The following PLCG2 variants were observed in gnomAD, a reference collection of about 807,000 sequenced individuals.
The protein encoded by PLCG2 is 1-phosphatidylinositol 4,5-bisphosphate phosphodiesterase gamma-2.
Under a neutral mutation model 175.6 loss-of-function variants are expected in PLCG2, and 69 were observed. That is an observed-to-expected ratio of 0.39 (90% CI 0.32 to 0.48). The LOEUF is 0.48. Among genes scored for constraint, PLCG2 ranks in the 20% least tolerant of loss-of-function variants. PLCG2 has a pLI of 0.91. For synonymous variants in PLCG2, 827 were observed against 624.0 expected (o/e 1.33, Z -4.85); for missense variants, 1,798 against 1,650.9 (o/e 1.09, Z -1.54).
chr16:81,842,517 G>C (rs1020525658), intron 2 of PLCG2, among the ~76,000 whole-genome samples: 3 of 152,178 alleles, frequency 2.0e-5, no homozygotes, highest in Admixed American at 2.0e-4. Flanking sequence ...GTTGGGGTAT[G>C]TGTGGGAAGG....
intron 2 of PLCG2, among the ~76,000 whole-genome samples, chr16:81,806,210 T>C (rs1385804651): frequency 6.6e-6 from 1 of 152,064 alleles, no homozygotes; most frequent in African/African-American, 2.4e-5. Flanking sequence ...GGCTACCATA[T>C]TGGATAGCAC....
intron 13 of PLCG2, among the ~76,000 whole-genome samples, chr16:81,896,496 T>G (rs1242204939): frequency 6.6e-6 from 1 of 151,730 alleles, no homozygotes; most frequent in African/African-American, 2.4e-5. Context: ...GAGGATTGCT[T>G]GAACCTGGCA....
chr16:81,847,917 G>A (rs554902941), intron 2 of PLCG2, among the ~76,000 whole-genome samples: 2 of 152,198 alleles, frequency 1.3e-5, no homozygotes, highest in African/African-American at 4.8e-5. Context: ...ATCCCCAACA[G>A]TCACTGAGGG....
chr16:81,912,823 C>T (rs534606329), intron 19 of PLCG2, 107 bp downstream of exon 19: 99 of 1,320,600 alleles, frequency 7.5e-5, no homozygotes, highest in Admixed American at 1.2e-4. Context: ...AGTGCCCTGC[C>T]CCCCCAGCAT....
intron 7 of PLCG2, among the ~76,000 whole-genome samples, chr16:81,876,174 T>G (rs1907779879): frequency 6.6e-6 from 1 of 151,928 alleles, no homozygotes; most frequent in Non-Finnish European, 1.5e-5. Context: ...CACAGGCGTG[T>G]GCCACCATGC....
At chr16:81,758,443 A>G (rs1338822036) in intron 2 of PLCG2, among the ~76,000 whole-genome samples, 1 of 152,210 alleles carries the variant, frequency 6.6e-6, no homozygotes, top group African/African-American at 2.4e-5. Flanking sequence ...GCTATTATAA[A>G]TAATGCTGCT....
intron 29 of PLCG2, among the ~76,000 whole-genome samples, chr16:81,939,454 C>T (rs933515530): frequency 6.6e-6 from 1 of 152,236 alleles, no homozygotes; most frequent in Non-Finnish European, 1.5e-5. Flanking sequence ...ACCAAATAAA[C>T]TGGCATTTAT....
chr16:81,779,884 G>C (rs544862304), intron 1 of PLCG2, among the ~76,000 whole-genome samples: 1 of 152,360 alleles, frequency 6.6e-6, no homozygotes, highest in Admixed American at 6.5e-5. Context: ...GATACCGCGG[G>C]AGGCGCAGTC....
chr16:81,858,219 C>A lies in PLCG2; in HGVS notation c.338-44C>A, dbSNP rs190085894. On this transcript the variant is annotated intron_variant, in intron 3 of 32. Transcript: ENST00000564138. ...GCAGGGCTTTGTAAGCAGACGTCTT[C>A]CCAGGAATTAACACAGCATTTCTGT... 10 of 1,350,398 alleles carry A rather than the reference C, an allele frequency of 7.4e-6. No homozygotes were observed. In the African/African-American group the frequency reaches 1.1e-4, roughly 15 times the overall value. The allele number at this position is 1,350,398 out of a possible 1,614,324, so 83.7% of individuals were successfully genotyped here.
At chr16:81,743,968 C>T (rs1909651589) in intron 1 of PLCG2, among the ~76,000 whole-genome samples, 1 of 151,796 alleles carries the variant, frequency 6.6e-6, no homozygotes, top group Non-Finnish European at 1.5e-5. Flanking sequence ...AAGCAATTCT[C>T]CTGCCTCGGC....
chr16:81,842,185 C>A (rs892922965), intron 2 of PLCG2, among the ~76,000 whole-genome samples: 1 of 152,180 alleles, frequency 6.6e-6, no homozygotes, highest in Non-Finnish European at 1.5e-5. Context: ...CTCCAGAACT[C>A]CCTACAAAGG....
At chr16:81,823,995 T>A (rs1904925581) in intron 2 of PLCG2, among the ~76,000 whole-genome samples, 1 of 150,432 alleles carries the variant, frequency 6.6e-6, no homozygotes. Flanking sequence ...TTTTTCTGTT[T>A]CTTTTTCTTT....
upstream of PLCG2, among the ~76,000 whole-genome samples, chr16:81,777,852 G>C (rs7198169): frequency 0.83 from 124,957 of 150,724 alleles, 51,899 homozygotes; most frequent in South Asian, 0.95. Flanking sequence ...CGCGTCTCTA[G>C]TAAAAATACA....
intron 13 of PLCG2, among the ~76,000 whole-genome samples, chr16:81,899,289 T>TATACACAC (rs908648451): frequency 6.5e-5 from 6 of 92,468 alleles, no homozygotes; most frequent in African/African-American, 2.3e-4. Context: ...TATATATATA[T>TATACACAC]ACACACACAC....
At chr16:81,884,966 C>A (rs1027584942) in intron 9 of PLCG2, among the ~76,000 whole-genome samples, 1 of 152,092 alleles carries the variant, frequency 6.6e-6, no homozygotes, top group African/African-American at 2.4e-5. Context: ...CAGCTCACTG[C>A]AGCCTCGACC....
At chr16:81,835,557 C>T (rs552358807) in intron 2 of PLCG2, among the ~76,000 whole-genome samples, 97 of 151,640 alleles carry the variant, frequency 6.4e-4, no homozygotes, top group African/African-American at 2.1e-3. Flanking sequence ...CTAGCCTGGG[C>T]GACAGAGCAA....
intron 1 of PLCG2, among the ~76,000 whole-genome samples, chr16:81,744,877 A>AT (rs1268755859): frequency 6.6e-6 from 1 of 152,152 alleles, no homozygotes; most frequent in East Asian, 1.9e-4. Context: ...AGGAATTGGA[A>AT]TTTTTTAGGG....
chr16:81,778,485 G>C (rs1426891845), upstream of PLCG2, among the ~76,000 whole-genome samples: 1 of 152,212 alleles, frequency 6.6e-6, no homozygotes, highest in Non-Finnish European at 1.5e-5. Context: ...CCATCAAAGA[G>C]CATAGGAAGG....
chr16:81,940,841 A>G (rs1453235215), intron 30 of PLCG2, among the ~76,000 whole-genome samples: 2 of 152,120 alleles, frequency 1.3e-5, no homozygotes, highest in Non-Finnish European at 2.9e-5. Context: ...TTCCCACTGG[A>G]TCTTTCCCAC....
Sources: gnomAD v4.1 joint callset for allele counts (sites outside exome capture counted in the v4.1 genomes callset) on GRCh38, gnomAD v4.1.1 for gene constraint, MANE v1.5 for transcripts, NCBI Gene and HGNC (gene_info 2026-07-23, HGNC 2026-07-21) for gene names.